The following LYRM4 variants were observed in gnomAD, a reference collection of about 807,000 sequenced individuals.
The protein encoded by LYRM4 is LYR motif-containing protein 4.
A neutral mutation model predicts 11.7 loss-of-function variants in LYRM4; 9 were observed. The observed-to-expected ratio is 0.77, with a 90% CI of 0.46 to 1.34. The LOEUF (loss-of-function observed/expected upper bound fraction) is 1.34, where lower values mean the gene tolerates loss of function less well. LYRM4 is among the 40% of genes most tolerant of loss of function. The pLI, the probability that LYRM4 is intolerant of heterozygous loss-of-function variation, is 0.00. For synonymous variants in LYRM4, 42 were observed against 40.4 expected, an observed-to-expected ratio of 1.04 and a Z score of -0.15; for missense variants, 133 against 112.5, an observed-to-expected ratio of 1.18 and a Z score of -0.82.
chr6:5,214,884 C>T (rs1175805217), intron 2 of LYRM4, among the ~76,000 whole-genome samples: 1 of 151,642 alleles, frequency 6.6e-6, no homozygotes, highest in South Asian at 2.1e-4. Context: ...TGACAGCAAG[C>T]TGTTCTGCAA....
intron 1 of LYRM4, among the ~76,000 whole-genome samples, chr6:5,245,149 TATA>T: frequency 1.2e-5 from 1 of 84,406 alleles, no homozygotes; most frequent in Non-Finnish European, 2.2e-5. Flanking sequence ...TATATATATA[TATA>T]TATATATATA....
chr6:5,100,606 G>C (rs1295891733), downstream of LYRM4, among the ~76,000 whole-genome samples: 1 of 152,122 alleles, frequency 6.6e-6, no homozygotes, highest in East Asian at 1.9e-4. Flanking sequence ...GATGCAAAAT[G>C]GTGGTCAAGA....
chr6:5,256,900 T>C (rs968947164), intron 1 of LYRM4, among the ~76,000 whole-genome samples: 6 of 152,202 alleles, frequency 3.9e-5, no homozygotes, highest in Non-Finnish European at 7.3e-5. Flanking sequence ...CATTCTAGAC[T>C]CTGCTTGGAT....
At chr6:5,092,487 G>A in the LYRM4 span, among the ~76,000 whole-genome samples, 17 of 152,126 alleles carry the variant, frequency 1.1e-4, no homozygotes, top group African/African-American at 2.7e-4. Context: ...TGAGGCAGGC[G>A]GATCATGAGG....
At chr6:5,044,625 T>C in the LYRM4 span, among the ~76,000 whole-genome samples, 1 of 152,172 alleles carries the variant, frequency 6.6e-6, no homozygotes, top group African/African-American at 2.4e-5. Flanking sequence ...TCCTCGGCCC[T>C]GATTAATTTC....
At chr6:5,153,880 T>C (rs1467429612) in intron 2 of LYRM4, among the ~76,000 whole-genome samples, 3 of 152,168 alleles carry the variant, frequency 2.0e-5, no homozygotes, top group Non-Finnish European at 4.4e-5. Flanking sequence ...GCCCGTCCCT[T>C]AGAAGTTGAA....
intron 2 of LYRM4, among the ~76,000 whole-genome samples, chr6:5,210,860 C>T (rs1761954645): frequency 6.6e-6 from 1 of 152,132 alleles, no homozygotes; most frequent in Admixed American, 6.5e-5. Context: ...CTTTTTAAGG[C>T]TGAATAATAT....
chr6:5,254,312 G>A (rs1295719587), intron 1 of LYRM4, among the ~76,000 whole-genome samples: 3 of 152,138 alleles, frequency 2.0e-5, no homozygotes, highest in Non-Finnish European at 4.4e-5. Flanking sequence ...ACTTTTTGTA[G>A]GGAAAACGCT....
intron 2 of LYRM4, among the ~76,000 whole-genome samples, chr6:5,177,758 A>C (rs1336514218): frequency 6.6e-6 from 1 of 152,190 alleles, no homozygotes; most frequent in Non-Finnish European, 1.5e-5. Context: ...CTCGAGGACA[A>C]GTTATCACAC....
intron 2 of LYRM4, among the ~76,000 whole-genome samples, chr6:5,205,845 G>A (rs993221716): frequency 2.6e-5 from 4 of 152,140 alleles, no homozygotes; most frequent in Admixed American, 6.5e-5. Context: ...ATCACCTGTA[G>A]GAAAAGGCAG....
At chr6:5,185,718 C>T (rs1418028298) in intron 2 of LYRM4, among the ~76,000 whole-genome samples, 2 of 152,280 alleles carry the variant, frequency 1.3e-5, no homozygotes, top group African/African-American at 4.8e-5. Flanking sequence ...GTTTCAACAC[C>T]TGTGCTCTGA....
intron 2 of LYRM4, among the ~76,000 whole-genome samples, chr6:5,122,071 TC>T (rs2127603533): frequency 6.6e-6 from 1 of 152,260 alleles, no homozygotes; most frequent in South Asian, 2.1e-4. Flanking sequence ...TTTGCTTTAA[TC>T]AAATATAACT....
intron 2 of LYRM4, among the ~76,000 whole-genome samples, chr6:5,147,211 C>A (rs1240582378): frequency 6.6e-6 from 1 of 152,146 alleles, no homozygotes; most frequent in Non-Finnish European, 1.5e-5. Context: ...GTAATTTAAA[C>A]CTGTATTTAT....
Position 5,244,723 on chromosome 6 carries a change from T to C in LYRM4, c.86+15925A>G, listed in dbSNP as rs567286294. Among the ~76,000 whole-genome samples, 68 of 151,810 alleles carry C rather than the reference T, an allele frequency of 4.5e-4. 3 individuals carry two copies. The South Asian group carries it at 0.013, about 29-fold the overall frequency. Reference sequence around the variant, plus strand: ...GAGAGGGCCACAACAACAGTGACGATGTGGGCAGATGGGTCAGTAGTGACA... The same window carrying C: ...GAGAGGGCCACAACAACAGTGACGACGTGGGCAGATGGGTCAGTAGTGACA... On this transcript the variant is annotated intron_variant, in intron 1 of 2. Coordinates refer to ENST00000330636, the MANE Select transcript of LYRM4 (RefSeq NM_020408.6).
the LYRM4 span, among the ~76,000 whole-genome samples, chr6:5,053,158 T>G: frequency 6.6e-6 from 1 of 152,194 alleles, no homozygotes; most frequent in African/African-American, 2.4e-5. Context: ...ATGGGGGATT[T>G]TTTTAGATGA....
At chr6:5,104,752 G>A (rs1461351272), downstream of LYRM4, 2 of 152,178 alleles carry the variant, frequency 1.3e-5, no homozygotes, top group African/African-American at 2.4e-5. Flanking sequence ...CTCCTGTCTG[G>A]TCTCAGCCAG....
chr6:5,206,329 T>C (rs1444737084), intron 2 of LYRM4, among the ~76,000 whole-genome samples: 1 of 152,222 alleles, frequency 6.6e-6, no homozygotes, highest in Non-Finnish European at 1.5e-5. Flanking sequence ...GAGCAGAACC[T>C]AGGTCTCCTG....
intron 1 of LYRM4, among the ~76,000 whole-genome samples, chr6:5,219,959 A>G (rs1238832559): frequency 2.0e-5 from 3 of 152,194 alleles, no homozygotes; most frequent in Non-Finnish European, 4.4e-5. Flanking sequence ...ACAGCCACAG[A>G]AACAGTGAGG....
chr6:5,036,109 C>T, the LYRM4 span, among the ~76,000 whole-genome samples: 3 of 151,910 alleles, frequency 2.0e-5, 1 homozygote, highest in Middle Eastern at 6.8e-3. Context: ...AGCATGTTCC[C>T]TTAAATATTT....
Sources: gnomAD v4.1 joint callset for allele counts (sites outside exome capture counted in the v4.1 genomes callset) on GRCh38, gnomAD v4.1.1 for gene constraint, MANE v1.5 for transcripts, NCBI Gene and HGNC (gene_info 2026-07-23, HGNC 2026-07-21) for gene names.